Variants in SDHB observed in about 807,000 individuals in gnomAD.
The protein encoded by SDHB is succinate dehydrogenase [ubiquinone] iron-sulfur subunit, mitochondrial.
Under a neutral mutation model 39.7 loss-of-function variants are expected in SDHB, and 21 were observed. The observed-to-expected ratio is 0.53, with a 90% CI of 0.37 to 0.76. SDHB has a LOEUF of 0.76. Among genes scored for constraint, SDHB ranks in the 30% least tolerant of loss-of-function variants. SDHB has a pLI of 0.00. For missense variants in SDHB, 343 were observed against 350.9 expected (o/e 0.98, Z 0.18); for synonymous variants, 118 against 117.0 (o/e 1.01, Z -0.06).
chr1:17,028,473 ACTAT>A, intron 4 of SDHB, 123 bp downstream of exon 4: 1 of 930,428 alleles, frequency 1.1e-6, no homozygotes, highest in South Asian at 1.4e-5. Context: ...CCATCTATTT[ACTAT>A]CTGACTAGAA....
intron 7 of SDHB, among the ~76,000 whole-genome samples, chr1:17,019,542 T>C (rs769590459): frequency 6.6e-6 from 1 of 151,990 alleles, no homozygotes; most frequent in Admixed American, 6.6e-5. Flanking sequence ...GCCAGCTTCA[T>C]TGAAGTAGAA....
At chr1:17,053,809 G>A in intron 1 of SDHB, 139 bp downstream of exon 1, 1 of 684,716 alleles carries the variant, frequency 1.5e-6, no homozygotes, top group Admixed American at 2.1e-5. Flanking sequence ...CCAAACCAAA[G>A]CACTGCACCA....
intron 1 of SDHB, among the ~76,000 whole-genome samples, chr1:17,050,152 CA>C (rs2078137086): frequency 6.6e-6 from 1 of 152,036 alleles, no homozygotes; most frequent in South Asian, 2.1e-4. Context: ...ATTATCTTTC[CA>C]AAAGAGACTA....
intron 1 of SDHB, among the ~76,000 whole-genome samples, chr1:17,049,457 C>A (rs890868470): frequency 6.6e-6 from 1 of 151,818 alleles, no homozygotes; most frequent in Non-Finnish European, 1.5e-5. Flanking sequence ...GCCATAAAGT[C>A]CAGCTAATTT....
intron 2 of SDHB, among the ~76,000 whole-genome samples, chr1:17,039,613 T>G (rs1287338886): frequency 6.6e-6 from 1 of 152,018 alleles, no homozygotes; most frequent in African/African-American, 2.4e-5. Context: ...AGTGAGGCCC[T>G]GTCTCAGAAG....
intron 3 of SDHB, among the ~76,000 whole-genome samples, chr1:17,030,925 C>T (rs1284617394): frequency 6.6e-6 from 1 of 151,422 alleles, no homozygotes; most frequent in Non-Finnish European, 1.5e-5. Context: ...GTGATCTGCC[C>T]GCCTCGGCCT....
At position 17,018,875 on chromosome 1, in the gene SDHB, A is replaced by G. The variant is rs1216083704; in HGVS notation, c.*6T>C. On this transcript the variant is annotated 3_prime_UTR_variant, in exon 8 of 8. Coordinates refer to ENST00000375499, the MANE Select transcript of SDHB (RefSeq NM_003000.3). ...TGGTTATAAATCATGTTTAGCATGG[A>G]AACAGTTAAACTGAAGCTTTCTTCT... 3.1e-6 allele frequency: 5 copies of G among 1,596,404 alleles called. No individual in the cohort carries two copies. The highest frequency in any genetic ancestry group is 2.2e-5 in the South Asian group (2 of 90,736).
chr1:17,040,527 T>C (rs1344645146), intron 2 of SDHB, among the ~76,000 whole-genome samples: 3 of 152,164 alleles, frequency 2.0e-5, no homozygotes, highest in Non-Finnish European at 4.4e-5. Flanking sequence ...CAATTATAGC[T>C]CATAGCAGCC....
Position 17,024,009 on chromosome 1 carries a change from G to A in SDHB, c.606C>T (p.Asn202=), listed in dbSNP as rs199653121. The A allele has an allele frequency of 2.4e-5, 38 of 1,613,968 alleles. No homozygotes were observed. The highest frequency in any genetic ancestry group is 1.3e-4 in the African/African-American group (10 of 75,034). The part of the protein sequence containing the change: ...CSTSCPSYWW[N]GDKYLGPAVL... ...CTGCAGGCCCCAGATATTTGTCTCCGTTCCACCAGTAGCTGGGGCAGCTGG... is the reference window on the plus strand; with the variant it reads ...CTGCAGGCCCCAGATATTTGTCTCCATTCCACCAGTAGCTGGGGCAGCTGG... The change falls in exon 6 of 8, where the codon AAC becomes AAT. Residue 202 remains asparagine, a synonymous_variant. Coordinates refer to ENST00000375499, the MANE Select transcript of SDHB (RefSeq NM_003000.3).
chr1:17,047,355 C>G (rs953706411), intron 1 of SDHB, among the ~76,000 whole-genome samples: 3 of 151,012 alleles, frequency 2.0e-5, no homozygotes, highest in African/African-American at 7.3e-5. Context: ...GACGCTGTTT[C>G]AAAGAAACAA....
At chr1:17,022,039 T>C (rs1173442019) in intron 7 of SDHB, among the ~76,000 whole-genome samples, 1 of 152,072 alleles carries the variant, frequency 6.6e-6, no homozygotes, top group Admixed American at 6.6e-5. Flanking sequence ...CAGGAAACTG[T>C]GCTGAGAAGT....
chr1:17,038,301 T>C (rs1272545742), intron 2 of SDHB, among the ~76,000 whole-genome samples: 1 of 152,228 alleles, frequency 6.6e-6, no homozygotes, highest in Non-Finnish European at 1.5e-5. Context: ...TCTCACCCAA[T>C]TTCCCTGGCT....
At chr1:17,041,947 A>T (rs1276525140) in intron 2 of SDHB, among the ~76,000 whole-genome samples, 2 of 151,170 alleles carry the variant, frequency 1.3e-5, no homozygotes, top group Admixed American at 1.3e-4. Flanking sequence ...TTTGAGACAG[A>T]GTCTCACTCT....
At chr1:17,052,469 G>C (rs1348734482) in intron 1 of SDHB, 2 of 152,136 alleles carry the variant, frequency 1.3e-5, no homozygotes, top group Non-Finnish European at 2.9e-5. Context: ...ACCTTGCCTG[G>C]AATTACAAAA....
At chr1:17,053,889 G>A (rs1190636507) in intron 1 of SDHB, 59 bp downstream of exon 1, 3 of 1,289,084 alleles carry the variant, frequency 2.3e-6, no homozygotes, top group Middle Eastern at 1.8e-4. Context: ...AGCCCCATCA[G>A]CTCCAGGCAG....
At position 17,037,778 on chromosome 1, in the gene SDHB, T is replaced by C. The variant is rs147497016; in HGVS notation, c.201-4633A>G. Among the ~76,000 whole-genome samples the C allele has an allele frequency of 2.6e-3, 392 of 152,016 alleles. 1 individual carries two copies. Among genetic ancestry groups the C allele is most frequent in the African/African-American group, 9.1e-3 (378 of 41,452 alleles). ...AGCCTGGCTAATTTTTTGTTTGCTT[T>C]TTTGTAGAGATGGGGGTCTCATTTT... On this transcript the variant is annotated intron_variant, in intron 2 of 7. Coordinates refer to ENST00000375499, the MANE Select transcript of SDHB (RefSeq NM_003000.3).
chr1:17,024,787 A>G (rs2077982959), intron 5 of SDHB, among the ~76,000 whole-genome samples: 1 of 152,226 alleles, frequency 6.6e-6, no homozygotes, highest in Non-Finnish European at 1.5e-5. Context: ...AGTCCCAAAC[A>G]CAAACCGGAC....
At position 17,018,826 on chromosome 1, in the gene SDHB, T is replaced by C; in HGVS notation, c.*55A>G. On this transcript the variant is annotated 3_prime_UTR_variant, in exon 8 of 8. Coordinates refer to ENST00000375499, the MANE Select transcript of SDHB (RefSeq NM_003000.3). Reference sequence around the variant, plus strand: ...GATCTTTAAAGGAACTCAAATTAGATATAAATTATGTTCAGCTCTGAGCTG... The same window carrying C: ...GATCTTTAAAGGAACTCAAATTAGACATAAATTATGTTCAGCTCTGAGCTG... 1 of 1,258,134 alleles carries C rather than the reference T, an allele frequency of 7.9e-7. No individual in the cohort carries two copies. Among genetic ancestry groups the C allele is most frequent in the East Asian group, 2.3e-5 (1 of 43,266 alleles). 77.9% of individuals were successfully genotyped at this position (1,258,134 alleles called of 1,614,324 possible). A position where few individuals can be genotyped will look rare whatever the true frequency, so the allele number is the denominator to read the frequency against.
At chr1:17,029,045 C>T (rs2078007285) in intron 3 of SDHB, among the ~76,000 whole-genome samples, 1 of 148,136 alleles carries the variant, frequency 6.8e-6, no homozygotes, top group Non-Finnish European at 1.5e-5. Context: ...GGAGTTTCCA[C>T]AGCAGTTCTA....
Sources: allele counts gnomAD v4.1 joint callset (sites outside exome capture counted in the v4.1 genomes callset), GRCh38; gene constraint gnomAD v4.1.1; transcripts MANE v1.5; gene names NCBI Gene and HGNC (gene_info 2026-07-23, HGNC 2026-07-21).